Variants in ALDH1A2 observed in about 807,000 individuals in gnomAD.
ALDH1A2 encodes aldehyde dehydrogenase 1 family member A2.
In ALDH1A2, 27 loss-of-function variants were observed where a neutral mutation model predicts 60.3. That is an observed-to-expected ratio of 0.45 (90% CI 0.33 to 0.62). The LOEUF is 0.62. ALDH1A2 is among the 20% of genes least tolerant of loss of function. ALDH1A2 has a pLI of 0.02. For synonymous variants in ALDH1A2, 289 were observed against 232.4 expected (o/e 1.24, Z -2.21); for missense variants, 581 against 643.8 (o/e 0.90, Z 1.06).
rs1325903160 is a variant in ALDH1A2 at position 57,954,526 on chromosome 15, A to G, written c.*671T>C. ...ATGACTTCCAGTCTCTATTGTCCCA[A>G]TCTTTTTTCATTCATGTTATTTATG... On this transcript the variant is annotated 3_prime_UTR_variant, in exon 13 of 13. Transcript: ENST00000249750. The G allele has an allele frequency of 5.1e-5, 8 of 157,176 alleles. No homozygotes were observed. Among genetic ancestry groups the G allele is most frequent in the Non-Finnish European group, 8.5e-5 (6 of 70,482 alleles). The allele number at this position is 157,176 out of a possible 1,614,324, so 9.7% of individuals were successfully genotyped here.
At position 57,963,995 on chromosome 15, in the gene ALDH1A2, T is replaced by C. The variant is rs1893813989; in HGVS notation, c.976A>G (p.Ile326Val). ...TCATAGATGGACTCCTCCACGAAGA[T>C]GCGAGAGCCTGCAGTGCAGCACTGA... ...QGQCCTAGSR[I>V]FVEESIYEEF... Residue 326 changes from isoleucine (I) to valine (V), a missense_variant, in exon 9 of 13, where the codon ATC becomes GTC. By Grantham distance (29) the Ile-to-Val change is conservative (BLOSUM62 3). Around this residue, in one of 2 missense-constraint regions of ALDH1A2, gnomAD observed 375 missense variants for 469.7 expected, o/e 0.80. Transcript: ENST00000249750. 6.2e-7 allele frequency: 1 copy of C among 1,614,052 alleles called. No individual in the cohort carries two copies. Among genetic ancestry groups the C allele is most frequent in the Non-Finnish European group, 8.5e-7 (1 of 1,180,028 alleles).
chr15:58,060,487 G>A (rs1415266019), intron 1 of ALDH1A2, among the ~76,000 whole-genome samples: 1 of 25,478 alleles, frequency 3.9e-5, no homozygotes, highest in African/African-American at 1.3e-4. Context: ...TTTTTTTTTT[G>A]TGCTGTTGCA....
chr15:57,959,332 G>A (rs977318249), intron 12 of ALDH1A2, among the ~76,000 whole-genome samples: 1 of 152,068 alleles, frequency 6.6e-6, no homozygotes, highest in Non-Finnish European at 1.5e-5. Context: ...GAAGGTGAAG[G>A]TCAAAAGCAA....
chr15:57,988,594 A>G (rs1338985168), intron 7 of ALDH1A2, among the ~76,000 whole-genome samples: 1 of 152,232 alleles, frequency 6.6e-6, no homozygotes, highest in African/African-American at 2.4e-5. Flanking sequence ...GTTACCTGCA[A>G]AGAGGCATGA....
intron 4 of ALDH1A2, among the ~76,000 whole-genome samples, chr15:58,003,081 G>A (rs189127047): frequency 2.0e-5 from 3 of 151,980 alleles, no homozygotes; most frequent in South Asian, 2.1e-4. Flanking sequence ...TTAGCTCTAC[G>A]ACTATTCCAC....
chr15:58,045,347 G>A (rs1333157306), intron 1 of ALDH1A2, among the ~76,000 whole-genome samples: 7 of 152,024 alleles, frequency 4.6e-5, no homozygotes, highest in African/African-American at 1.7e-4. Flanking sequence ...GACTCCTCAA[G>A]GATCTAGAAC....
At chr15:57,965,681 A>G (rs368181881) in intron 8 of ALDH1A2, 44 bp downstream of exon 8, 24 of 1,363,652 alleles carry the variant, frequency 1.8e-5, no homozygotes, top group Non-Finnish European at 2.3e-5. Context: ...GAGAGCACCA[A>G]AGGGTGTGTG....
chr15:57,958,119 A>AGAATCTCTGAG (rs1491221175), intron 12 of ALDH1A2, among the ~76,000 whole-genome samples: 2 of 152,304 alleles, frequency 1.3e-5, no homozygotes, highest in East Asian at 3.9e-4. Flanking sequence ...CAACTAACTC[A>AGAATCTCTGAG]GAATCTCTGA....
At chr15:58,053,799 C>T (rs550057150) in intron 1 of ALDH1A2, among the ~76,000 whole-genome samples, 2 of 152,298 alleles carry the variant, frequency 1.3e-5, no homozygotes, top group African/African-American at 4.8e-5. Context: ...ATAGCTACAA[C>T]TACCACCCAG....
intron 12 of ALDH1A2, among the ~76,000 whole-genome samples, chr15:57,959,548 A>G (rs1893652783): frequency 6.6e-6 from 1 of 152,160 alleles, no homozygotes; most frequent in South Asian, 2.1e-4. Flanking sequence ...CTTGATGAAT[A>G]ATGATGATTG....
chr15:58,048,982 C>CT (rs1228967049), intron 1 of ALDH1A2, among the ~76,000 whole-genome samples: 1 of 152,044 alleles, frequency 6.6e-6, no homozygotes, highest in Non-Finnish European at 1.5e-5. Flanking sequence ...CTTACCCACC[C>CT]TGACCCTCAC....
chr15:57,979,789 C>G, intron 7 of ALDH1A2: 1 of 249,102 alleles, frequency 4.0e-6, no homozygotes, highest in South Asian at 6.6e-5. Context: ...GTTGCCAGCA[C>G]CCAAGGGAGC....
chr15:58,012,364 A>C (rs1225535079), intron 3 of ALDH1A2, among the ~76,000 whole-genome samples: 1 of 151,904 alleles, frequency 6.6e-6, no homozygotes, highest in Non-Finnish European at 1.5e-5. Flanking sequence ...ATTACCAAAA[A>C]AAGGTAAAAT....
chr15:58,023,859 A>C (rs977277237), intron 1 of ALDH1A2, among the ~76,000 whole-genome samples: 3 of 152,126 alleles, frequency 2.0e-5, no homozygotes, highest in African/African-American at 7.2e-5. Flanking sequence ...TGGGAGGCCG[A>C]GGTGGGTGGA....
At chr15:58,019,882 T>C (rs1421366837) in intron 1 of ALDH1A2, among the ~76,000 whole-genome samples, 2 of 152,204 alleles carry the variant, frequency 1.3e-5, no homozygotes, top group Non-Finnish European at 2.9e-5. Context: ...TTGTTATGCA[T>C]GTAAACATGT....
chr15:57,980,861 A>G (rs1894476259), intron 7 of ALDH1A2, among the ~76,000 whole-genome samples: 1 of 152,144 alleles, frequency 6.6e-6, no homozygotes, highest in South Asian at 2.1e-4. Context: ...AAGGAATGGT[A>G]CCACCTCTTC....
At chr15:57,970,478 G>A (rs1894026954) in intron 7 of ALDH1A2, among the ~76,000 whole-genome samples, 1 of 152,214 alleles carries the variant, frequency 6.6e-6, no homozygotes, top group South Asian at 2.1e-4. Context: ...ACAGTGTACT[G>A]GAATCATGTT....
intron 1 of ALDH1A2, among the ~76,000 whole-genome samples, chr15:58,041,332 G>A (rs1362394359): frequency 6.6e-6 from 1 of 151,940 alleles, no homozygotes; most frequent in African/African-American, 2.4e-5. Flanking sequence ...GGAAACCAGA[G>A]AATTTGCACA....
chr15:58,004,540 C>G (rs1342362600), intron 4 of ALDH1A2, among the ~76,000 whole-genome samples: 1 of 151,500 alleles, frequency 6.6e-6, no homozygotes, highest in Non-Finnish European at 1.5e-5. Flanking sequence ...TGTTTACCTA[C>G]CGCTTAGCTC....
Sources: gnomAD v4.1 joint callset for allele counts (sites outside exome capture counted in the v4.1 genomes callset) on GRCh38, gnomAD v4.1.1 for gene constraint, gnomAD v4.1.1 regional missense constraint, MANE v1.5 for transcripts, NCBI Gene and HGNC (gene_info 2026-07-23, HGNC 2026-07-21) for gene names.